Variants in DNAH14 observed in about 807,000 individuals in gnomAD.
The protein encoded by DNAH14 is axonemal beta dynein heavy chain 14.
In DNAH14, 478 loss-of-function variants were observed where a neutral mutation model predicts 520.9. The ratio of observed to expected loss-of-function variants is 0.92; its 90% CI spans 0.85 to 0.99. The LOEUF is 0.99. DNAH14 is among the 50% of genes least tolerant of loss of function. The probability of loss-of-function intolerance (pLI) is 0.00; values close to 1 mark genes in which losing one functional copy is unlikely to be tolerated. For missense variants in DNAH14, 4,831 were observed against 5,234.5 expected, an observed-to-expected ratio of 0.92 and a Z score of 2.38; for synonymous variants, 1,581 against 1,757.2, an observed-to-expected ratio of 0.90 and a Z score of 2.51.
intron 80 of DNAH14, 151 bp from the exon 81 acceptor site, chr1:225,381,232 A>G: frequency 1.3e-6 from 1 of 746,868 alleles, no homozygotes; most frequent in South Asian, 1.9e-5. Context: ...ATACCCTAAA[A>G]TGTTTGCTAT....
chr1:225,337,237 T>G, intron 66 of DNAH14, 29 bp from the exon 67 acceptor site: 3 of 1,508,596 alleles, frequency 2.0e-6, no homozygotes, highest in Non-Finnish European at 2.7e-6. Flanking sequence ...ATTTACAAAA[T>G]AGTGAAAGTA....
chr1:225,020,987 G>C (rs2148008853), intron 10 of DNAH14, among the ~76,000 whole-genome samples: 1 of 151,852 alleles, frequency 6.6e-6, no homozygotes, highest in Non-Finnish European at 1.5e-5. Context: ...AGGAAGGTTG[G>C]TTTAACATAT....
At chr1:225,014,093 T>C (rs1464918205) in intron 10 of DNAH14, among the ~76,000 whole-genome samples, 1 of 152,194 alleles carries the variant, frequency 6.6e-6, no homozygotes, top group East Asian at 1.9e-4. Context: ...TGTAGGCACC[T>C]GAGGGAATTT....
chr1:225,224,559 C>T (rs1206543089), intron 41 of DNAH14, among the ~76,000 whole-genome samples: 2 of 152,146 alleles, frequency 1.3e-5, no homozygotes, highest in Admixed American at 1.3e-4. Context: ...CATATTGCCC[C>T]TATCTCTAGA....
intron 27 of DNAH14, among the ~76,000 whole-genome samples, chr1:225,129,432 A>C (rs1239027521): frequency 6.6e-6 from 1 of 150,502 alleles, no homozygotes; most frequent in Non-Finnish European, 1.5e-5. Context: ...ACAAGGCTAC[A>C]GTAACCAAAA....
At chr1:225,131,825 G>T (rs561662238) in intron 27 of DNAH14, among the ~76,000 whole-genome samples, 83 of 152,262 alleles carry the variant, frequency 5.5e-4, no homozygotes, top group Admixed American at 1.6e-3. Context: ...TGTGGTTGGA[G>T]CCAGGGGAGT....
At position 224,968,872 on chromosome 1, in the gene DNAH14, C is replaced by A. The variant is rs2061345238; in HGVS notation, c.765C>A (p.Phe255Leu). 1 of 1,532,190 alleles carries A rather than the reference C, an allele frequency of 6.5e-7. No homozygotes were observed. The highest frequency in any genetic ancestry group is 8.8e-7 in the Non-Finnish European group (1 of 1,137,706). 94.9% of individuals were successfully genotyped at this position (1,532,190 alleles called of 1,614,324 possible). A position where few individuals can be genotyped will look rare whatever the true frequency, so the allele number is the denominator to read the frequency against. Residue 255 changes from phenylalanine to leucine, a missense_variant and splice_region_variant, in exon 7 of 86, where the codon TTC becomes TTA. Phe to Leu is a conservative substitution (Grantham distance 22, BLOSUM62 0). Transcript: ENST00000682510. ...LLRQFKIFSD[F>L]RMNKAFVTWK... Reference sequence around the variant, plus strand: ...GGCAATTCAAGATATTTTCTGATTTCCGGTGAGGTGAAAAAAATGAAACCA... The same window carrying A: ...GGCAATTCAAGATATTTTCTGATTTACGGTGAGGTGAAAAAAATGAAACCA...
rs1553368943 is a variant in DNAH14, at chr1:225,373,172, G to GAAAAAAAC, written c.12319-1509_12319-1508insCAAAAAAA. Among the ~76,000 whole-genome samples, 4 of 135,758 alleles carry GAAAAAAAC rather than the reference G, an allele frequency of 2.9e-5. No individual in the cohort carries two copies. The East Asian group carries it at 6.5e-4, about 22-fold the overall frequency. 89.1% of individuals were successfully genotyped at this position (135,758 alleles called of 152,430 possible). ...TGTGTATGCTAAACTAGCATTTGTG[G>GAAAAAAAC]AAAAAAAAAAAAAGACAGGAAAACA... On this transcript the variant is annotated intron_variant, in intron 77 of 85. Transcript: ENST00000682510.
At chr1:225,055,242 G>C (rs187319371) in intron 17 of DNAH14, among the ~76,000 whole-genome samples, 1 of 152,116 alleles carries the variant, frequency 6.6e-6, no homozygotes, top group Non-Finnish European at 1.5e-5. Context: ...CTCAAGAATG[G>C]TGTCGTTTTC....
At chr1:225,296,398 A>T (rs1262795532) in intron 55 of DNAH14, among the ~76,000 whole-genome samples, 1 of 152,178 alleles carries the variant, frequency 6.6e-6, no homozygotes, top group Non-Finnish European at 1.5e-5. Context: ...TAATCCATTT[A>T]AATTCAAAGT....
At chr1:225,163,225 C>T (rs1422619814) in intron 35 of DNAH14, among the ~76,000 whole-genome samples, 6 of 151,222 alleles carry the variant, frequency 4.0e-5, no homozygotes, top group Admixed American at 6.6e-5. Context: ...GCAACCTTAC[C>T]GAATTTGTTT....
At chr1:225,271,266 A>G (rs1332201113) in intron 50 of DNAH14, among the ~76,000 whole-genome samples, 1 of 152,322 alleles carries the variant, frequency 6.6e-6, no homozygotes, top group Admixed American at 6.5e-5. Flanking sequence ...CCCAGTTGGC[A>G]TACAGGTAGA....
chr1:225,044,804 G>A (rs1006584280), intron 15 of DNAH14, among the ~76,000 whole-genome samples: 1 of 152,082 alleles, frequency 6.6e-6, no homozygotes, highest in African/African-American at 2.4e-5. Flanking sequence ...AATCAGTTTG[G>A]TAAGGGTTTC....
At chr1:225,076,338 A>G (rs1195777593) in intron 17 of DNAH14, among the ~76,000 whole-genome samples, 1 of 152,066 alleles carries the variant, frequency 6.6e-6, no homozygotes, top group African/African-American at 2.4e-5. Flanking sequence ...CTGGTGCTGA[A>G]TTTTACTGTG....
At chr1:225,267,831 C>T (rs583098) in intron 49 of DNAH14, among the ~76,000 whole-genome samples, 18,470 of 151,516 alleles carry the variant, frequency 0.12, 1,278 homozygotes, top group East Asian at 0.31. Context: ...TCAGGTCAGA[C>T]GTCAGTCAGA....
chr1:225,238,597 G>A (rs1403651179), intron 42 of DNAH14, among the ~76,000 whole-genome samples: 2 of 152,196 alleles, frequency 1.3e-5, no homozygotes, highest in Non-Finnish European at 2.9e-5. Flanking sequence ...AAGAGGAACA[G>A]GATCAGGAAC....
chr1:225,012,317 C>G (rs1012044044), intron 10 of DNAH14, among the ~76,000 whole-genome samples: 1 of 152,176 alleles, frequency 6.6e-6, no homozygotes, highest in Non-Finnish European at 1.5e-5. Flanking sequence ...TGCAAGAGAT[C>G]CACTGTTAGT....
chr1:225,203,358 T>C (rs146121008), intron 38 of DNAH14, among the ~76,000 whole-genome samples: 18 of 152,312 alleles, frequency 1.2e-4, no homozygotes, highest in African/African-American at 4.1e-4. Flanking sequence ...CTTGCTTACT[T>C]TGTGATGAGG....
chr1:225,017,169 A>T (rs1392550854), intron 10 of DNAH14, among the ~76,000 whole-genome samples: 1 of 152,156 alleles, frequency 6.6e-6, no homozygotes, highest in African/African-American at 2.4e-5. Context: ...AGGAACACAC[A>T]GATATTTATT....
Sources: gnomAD v4.1 joint callset for allele counts (sites outside exome capture counted in the v4.1 genomes callset) on GRCh38, gnomAD v4.1.1 for gene constraint, MANE v1.5 for transcripts, NCBI Gene and HGNC (gene_info 2026-07-23, HGNC 2026-07-21) for gene names.